UGGT2: variants seen among roughly 807,000 people sequenced by gnomAD.
The protein encoded by UGGT2 is UDP-glucose:glycoprotein glucosyltransferase 2.
In UGGT2, 180 loss-of-function variants were observed where a neutral mutation model predicts 192.1. That is an observed-to-expected ratio of 0.94 (90% CI 0.83 to 1.06). The LOEUF (loss-of-function observed/expected upper bound fraction) is 1.06. Among genes scored for constraint, UGGT2 ranks in the 50% least tolerant of loss-of-function variants. The pLI, the probability that UGGT2 is intolerant of heterozygous loss-of-function variation, is 0.00. For synonymous variants in UGGT2, 580 were observed against 591.0 expected (o/e 0.98, Z 0.27); for missense variants, 1,849 against 1,795.7 (o/e 1.03, Z -0.54).
chr13:95,907,902 T>C (rs7326761), intron 20 of UGGT2, among the ~76,000 whole-genome samples: 124,647 of 152,158 alleles, frequency 0.82, 51,302 homozygotes, highest in East Asian at 0.93. Flanking sequence ...ATGACTTTGA[T>C]GAGTTGACAG....
intron 38 of UGGT2, among the ~76,000 whole-genome samples, chr13:95,824,658 T>C (rs1885837619): frequency 6.6e-6 from 1 of 152,104 alleles, no homozygotes; most frequent in Admixed American, 6.6e-5. Context: ...TCTTTATATC[T>C]CTCTAGAAAA....
At chr13:95,909,770 TAA>T in intron 20 of UGGT2, among the ~76,000 whole-genome samples, 1 of 62,634 alleles carries the variant, frequency 1.6e-5, no homozygotes, top group South Asian at 4.4e-4. Flanking sequence ...ATAATAATAA[TAA>T]TAATAATAAA....
At chr13:95,942,221 G>GGCGTGTGT (rs1285651365) in intron 15 of UGGT2, among the ~76,000 whole-genome samples, 3 of 117,992 alleles carry the variant, frequency 2.5e-5, no homozygotes, top group African/African-American at 9.6e-5. Flanking sequence ...TTAGGGTGAG[G>GGCGTGTGT]GTGTGTGTGT....
intron 20 of UGGT2, among the ~76,000 whole-genome samples, chr13:95,907,262 G>C (rs376858399): frequency 2.0e-5 from 3 of 152,132 alleles, no homozygotes; most frequent in Admixed American, 1.3e-4. Context: ...TGGGAAGCTC[G>C]AACTAGGGGC....
rs185215272 is a variant in UGGT2, at chr13:95,960,518, A to T, written c.1335+9594T>A. 9.1e-4 allele frequency among the ~76,000 whole-genome samples: 139 copies of T among 152,298 alleles called. 1 individual carries two copies. The highest frequency in any genetic ancestry group is 1.4e-3 in the Admixed American group (22 of 15,290). On this transcript the variant is annotated intron_variant, in intron 12 of 38. Coordinates refer to ENST00000376747, the MANE Select transcript of UGGT2 (RefSeq NM_020121.4). ...ATCCCAGTCAAATAAAAATACATAC[A>T]AAAAAGAATAAGCAAAGCCTATGTG...
chr13:95,819,631 A>G (rs1003576683), intron 38 of UGGT2, among the ~76,000 whole-genome samples: 2 of 152,216 alleles, frequency 1.3e-5, no homozygotes, highest in Non-Finnish European at 2.9e-5. Context: ...TAGGCCACAA[A>G]GAAAACAACA....
At chr13:95,822,679 A>G (rs1200793101) in intron 38 of UGGT2, among the ~76,000 whole-genome samples, 1 of 151,724 alleles carries the variant, frequency 6.6e-6, no homozygotes. Context: ...TTTCGAATTG[A>G]GCTTATTTGG....
At chr13:95,891,945 A>T (rs985200418) in intron 24 of UGGT2, among the ~76,000 whole-genome samples, 1 of 152,176 alleles carries the variant, frequency 6.6e-6, no homozygotes, top group Non-Finnish European at 1.5e-5. Context: ...CGATTTAATT[A>T]TCTTAAAATA....
rs188055797 is a variant in UGGT2 at position 95,854,215 on chromosome 13, G to C, written c.4169+100C>G. The C allele has an allele frequency of 3.0e-6, 4 of 1,354,312 alleles. No individual in the cohort carries two copies. The Admixed American group carries it at 9.2e-5, about 31-fold the overall frequency. The allele number at this position is 1,354,312 out of a possible 1,614,324, so 83.9% of individuals were successfully genotyped here. A position where few individuals can be genotyped will look rare whatever the true frequency, so the allele number is the denominator to read the frequency against. On this transcript the variant is annotated intron_variant, in intron 35 of 38. Coordinates refer to ENST00000376747, the MANE Select transcript of UGGT2 (RefSeq NM_020121.4). ...CACTATGTAATTGGTTGCTTTTATT[G>C]TGTAATTTTTAAGAAAACTGTGTAA... is the stretch of plus-strand genomic sequence containing the variant.
intron 20 of UGGT2, among the ~76,000 whole-genome samples, chr13:95,919,018 C>T (rs1182786634): frequency 2.0e-5 from 3 of 152,094 alleles, no homozygotes; most frequent in Non-Finnish European, 4.4e-5. Flanking sequence ...AAAAGCTTAT[C>T]CATCAGATCA....
At chr13:95,897,246 A>G (rs1700308308) in intron 22 of UGGT2, among the ~76,000 whole-genome samples, 1 of 152,070 alleles carries the variant, frequency 6.6e-6, no homozygotes, top group East Asian at 1.9e-4. Flanking sequence ...ATCAGGTCTC[A>G]CAGTGTAATG....
At chr13:95,907,906 T>C (rs1194945418) in intron 20 of UGGT2, among the ~76,000 whole-genome samples, 2 of 152,088 alleles carry the variant, frequency 1.3e-5, no homozygotes. Context: ...CTTTGATGAG[T>C]TGACAGAAGT....
intron 1 of UGGT2, among the ~76,000 whole-genome samples, chr13:96,042,465 A>G (rs1466280397): frequency 6.6e-6 from 1 of 152,082 alleles, no homozygotes; most frequent in Non-Finnish European, 1.5e-5. Flanking sequence ...GTTCTTTAAC[A>G]CCCCCCAAAA....
chr13:95,926,856 G>A (rs2049030097), intron 19 of UGGT2, among the ~76,000 whole-genome samples, 172 bp downstream of exon 19: 1 of 152,020 alleles, frequency 6.6e-6, no homozygotes, highest in South Asian at 2.1e-4. Flanking sequence ...AGAATAGAAG[G>A]CATTGTTTTC....
At chr13:95,906,358 T>C (rs1356535920) in intron 20 of UGGT2, among the ~76,000 whole-genome samples, 2 of 152,174 alleles carry the variant, frequency 1.3e-5, no homozygotes, top group South Asian at 2.1e-4. Context: ...TGGCTATGTA[T>C]GTATTTTCTG....
chr13:95,951,355 A>C (rs1377610313), intron 12 of UGGT2, among the ~76,000 whole-genome samples: 1 of 152,244 alleles, frequency 6.6e-6, no homozygotes, highest in Non-Finnish European at 1.5e-5. Flanking sequence ...TTTGAAGGTA[A>C]GTCAATGAGC....
intron 7 of UGGT2, among the ~76,000 whole-genome samples, chr13:95,992,589 G>A (rs374490728): frequency 1.3e-5 from 2 of 152,180 alleles, no homozygotes; most frequent in East Asian, 1.9e-4. Context: ...GCCTTATGGC[G>A]GAGTCTTTAG....
chr13:95,946,858 ACTTCAGAAGGG>A (rs2049887609), intron 15 of UGGT2, among the ~76,000 whole-genome samples, 168 bp downstream of exon 15: 1 of 152,236 alleles, frequency 6.6e-6, no homozygotes, highest in Admixed American at 6.5e-5. Flanking sequence ...GATAATATGT[ACTTCAGAAGGG>A]AGTTACAGAA....
At chr13:95,865,350 A>G (rs186248471) in intron 30 of UGGT2, among the ~76,000 whole-genome samples, 3 of 152,234 alleles carry the variant, frequency 2.0e-5, no homozygotes, top group Admixed American at 2.0e-4. Flanking sequence ...TTATTAGAAA[A>G]CAAACTGAAG....
Sources: allele counts gnomAD v4.1 joint callset (sites outside exome capture counted in the v4.1 genomes callset), GRCh38; gene constraint gnomAD v4.1.1; transcripts MANE v1.5; gene names NCBI Gene and HGNC (gene_info 2026-07-23, HGNC 2026-07-21).